The following CCDC171 variants were observed in gnomAD, a reference collection of about 807,000 sequenced individuals.
CCDC171 encodes the protein coiled-coil domain-containing protein 171.
A neutral mutation model predicts 168.2 loss-of-function variants in CCDC171; 177 were observed. That is an observed-to-expected ratio of 1.05 (90% CI 0.93 to 1.19). The LOEUF is 1.19. Among genes scored for constraint, CCDC171 ranks in the 50% most tolerant of loss-of-function variants. The pLI is 0.00. For missense variants in CCDC171, 1,991 were observed against 1,539.0 expected, an observed-to-expected ratio of 1.29 and a Z score of -4.91; for synonymous variants, 687 against 540.8, an observed-to-expected ratio of 1.27 and a Z score of -3.75.
At chr9:15,659,409 G>A (rs948302056) in intron 8 of CCDC171, among the ~76,000 whole-genome samples, 1 of 152,022 alleles carries the variant, frequency 6.6e-6, no homozygotes, top group African/African-American at 2.4e-5. Flanking sequence ...TAATAAATAT[G>A]GTATTTGTTA....
At chr9:15,811,294 G>C (rs929723302) in intron 21 of CCDC171, among the ~76,000 whole-genome samples, 10 of 152,172 alleles carry the variant, frequency 6.6e-5, no homozygotes, top group Admixed American at 1.3e-4. Context: ...AAAGTCCTTT[G>C]AAGGCAAAAA....
At chr9:15,926,090 T>G (rs1825861202) in intron 25 of CCDC171, among the ~76,000 whole-genome samples, 1 of 151,610 alleles carries the variant, frequency 6.6e-6, no homozygotes, top group African/African-American at 2.4e-5. Context: ...GATGCACAAA[T>G]GAGAGAAGAG....
chr9:15,671,561 A>G (rs1348676729), intron 9 of CCDC171, among the ~76,000 whole-genome samples: 1 of 137,742 alleles, frequency 7.3e-6, no homozygotes, highest in African/African-American at 2.8e-5. Flanking sequence ...CCCTGTGTAC[A>G]TGTGTTGTCA....
In CCDC171 at chr9:15,920,311, C is replaced by G; in HGVS notation, c.3642C>G (p.Ser1214Arg). The change falls in exon 25 of 26, where the codon AGC (serine) becomes AGG (arginine). Residue 1214 changes from serine to arginine, a missense_variant. Physicochemically the swap from Ser to Arg is moderately radical, Grantham distance 110. Transcript: ENST00000380701. The part of the protein sequence containing the change: ...KSFMDVYQLA[S>R]TRIMTLEKEM... ...TCATGGATGTCTACCAGCTTGCAAG[C>G]ACTAGAATCATGACATTAGAGAAGG... The G allele has an allele frequency of 6.2e-7, 1 of 1,606,472 alleles. No homozygotes were observed. Among genetic ancestry groups the G allele is most frequent in the Non-Finnish European group, 8.5e-7 (1 of 1,175,052 alleles).
chr9:15,876,918 C>T (rs963093905), intron 24 of CCDC171, among the ~76,000 whole-genome samples: 4 of 151,980 alleles, frequency 2.6e-5, no homozygotes, highest in Non-Finnish European at 5.9e-5. Context: ...GTATATGAAC[C>T]ATTTGCCCAA....
chr9:15,756,563 G>A (rs995221611), intron 18 of CCDC171, among the ~76,000 whole-genome samples: 1 of 152,154 alleles, frequency 6.6e-6, no homozygotes, highest in Non-Finnish European at 1.5e-5. Context: ...GTAGTCCCCA[G>A]TGTCTGTTCC....
chr9:15,929,658 T>C (rs1273157510), intron 25 of CCDC171, among the ~76,000 whole-genome samples: 3 of 151,800 alleles, frequency 2.0e-5, no homozygotes, highest in Non-Finnish European at 4.4e-5. Flanking sequence ...CATGACCATT[T>C]CCCTGGGCTA....
At chr9:15,591,331 G>A (rs766489145) in intron 4 of CCDC171, 35 bp from the exon 5 acceptor site, 6 of 1,330,640 alleles carry the variant, frequency 4.5e-6, no homozygotes, top group Non-Finnish European at 6.2e-6. Flanking sequence ...TTTAATTCAT[G>A]GTTGTAAATG....
intron 3 of CCDC171, among the ~76,000 whole-genome samples, chr9:15,994,385 A>G (rs543177681): frequency 6.6e-6 from 1 of 152,300 alleles, no homozygotes; most frequent in East Asian, 1.9e-4. Context: ...GAATTGAACA[A>G]TGAGAACACT....
At chr9:15,942,689 T>C (rs1480937650) in intron 25 of CCDC171, among the ~76,000 whole-genome samples, 1 of 151,938 alleles carries the variant, frequency 6.6e-6, no homozygotes, top group African/African-American at 2.4e-5. Context: ...GAGAGTGCTT[T>C]GGGATATGTT....
intron 21 of CCDC171, among the ~76,000 whole-genome samples, chr9:15,838,754 A>T (rs898687996): frequency 7.9e-5 from 12 of 152,296 alleles, no homozygotes; most frequent in African/African-American, 2.4e-4. Flanking sequence ...TTTAAAGATG[A>T]CATTTTTGAT....
chr9:15,628,775 A>AC (rs979926297), intron 7 of CCDC171, among the ~76,000 whole-genome samples: 30 of 151,988 alleles, frequency 2.0e-4, no homozygotes, highest in Admixed American at 3.9e-4. Flanking sequence ...ACTGGGAGGC[A>AC]CCCCCCAGTA....
intron 6 of CCDC171, among the ~76,000 whole-genome samples, chr9:15,621,196 G>A (rs895175510): frequency 2.6e-5 from 4 of 152,098 alleles, no homozygotes; most frequent in Non-Finnish European, 5.9e-5. Context: ...CAGATTCCTG[G>A]GCTCAAGTGA....
intron 25 of CCDC171, among the ~76,000 whole-genome samples, chr9:15,959,638 G>A (rs1390290210): frequency 6.6e-6 from 1 of 152,030 alleles, no homozygotes; most frequent in Non-Finnish European, 1.5e-5. Context: ...ACAAGTCTAG[G>A]CCTTTTTGAA....
intron 16 of CCDC171, among the ~76,000 whole-genome samples, chr9:15,738,192 A>AGT (rs1259678188): frequency 1.3e-5 from 2 of 152,334 alleles, no homozygotes; most frequent in East Asian, 3.9e-4. Flanking sequence ...TCCCTAGGGA[A>AGT]GTGTCTAATT....
intron 25 of CCDC171, among the ~76,000 whole-genome samples, chr9:15,954,802 T>C (rs1456851529): frequency 3.9e-5 from 6 of 152,092 alleles, no homozygotes; most frequent in Non-Finnish European, 7.4e-5. Flanking sequence ...TATCTCTTTA[T>C]TGATATTTCC....
chr9:15,937,129 T>G (rs1317033814), intron 25 of CCDC171, among the ~76,000 whole-genome samples: 1 of 152,076 alleles, frequency 6.6e-6, no homozygotes, highest in Non-Finnish European at 1.5e-5. Context: ...TTATTTCAAA[T>G]CCAGCATGTT....
intron 6 of CCDC171, among the ~76,000 whole-genome samples, chr9:15,601,856 A>G (rs1564024754): frequency 6.6e-6 from 1 of 152,238 alleles, no homozygotes; most frequent in Non-Finnish European, 1.5e-5. Flanking sequence ...GTCTAAATTT[A>G]TAAAATATAA....
rs2060922612 is a variant in CCDC171 at position 15,846,909 on chromosome 9, T to C, written c.3413+62T>C. 4.8e-6 allele frequency: 7 copies of C among 1,459,806 alleles called. No individual in the cohort carries two copies. The South Asian group carries it at 9.1e-5, about 19-fold the overall frequency. The allele number at this position is 1,459,806 out of a possible 1,614,324, so 90.4% of individuals were successfully genotyped here. A position where few individuals can be genotyped will look rare whatever the true frequency, so the allele number is the denominator to read the frequency against. On this transcript the variant is annotated intron_variant, in intron 22 of 25. Coordinates refer to ENST00000380701, the MANE Select transcript of CCDC171 (RefSeq NM_173550.4). ...GACAAAAGATCAATTCTTACTTTCATGCTCCGGGTTTTAGCCCTGGATAAT... is the reference window on the plus strand; with the variant it reads ...GACAAAAGATCAATTCTTACTTTCACGCTCCGGGTTTTAGCCCTGGATAAT...
Sources: allele counts gnomAD v4.1 joint callset (sites outside exome capture counted in the v4.1 genomes callset), GRCh38; gene constraint gnomAD v4.1.1; transcripts MANE v1.5; gene names NCBI Gene and HGNC (gene_info 2026-07-23, HGNC 2026-07-21).